CPLX2: variants seen among roughly 807,000 people sequenced by gnomAD.
CPLX2 encodes complexin-2.
CPLX2 carries 5 observed loss-of-function variants against 16.3 expected under a neutral mutation model. That is an observed-to-expected ratio of 0.31 (90% CI 0.16 to 0.64). The LOEUF (loss-of-function observed/expected upper bound fraction) is 0.64, where lower values mean the gene tolerates loss of function less well. CPLX2 is among the 30% of genes least tolerant of loss of function. CPLX2 has a pLI of 0.79. For missense variants in CPLX2, 144 were observed against 181.4 expected (o/e 0.79, Z 1.18); for synonymous variants, 89 against 73.2 (o/e 1.22, Z -1.10).
At chr5:175,876,346 C>T (rs1420672708) in intron 1 of CPLX2, among the ~76,000 whole-genome samples, 2 of 151,962 alleles carry the variant, frequency 1.3e-5, no homozygotes, top group African/African-American at 2.4e-5. Context: ...TGGATGAGTT[C>T]TCCCAGGGAA....
At chr5:175,837,814 G>A (rs1758865685) in intron 2 of CPLX2, 4 of 152,180 alleles carry the variant, frequency 2.6e-5, no homozygotes, top group African/African-American at 7.2e-5. Flanking sequence ...GCTCCCTGTT[G>A]GTTGGGTCAG....
At position 175,880,346 on chromosome 5, in the gene CPLX2, C is replaced by G; in HGVS notation, c.*301C>G. On this transcript the variant is annotated 3_prime_UTR_variant, in exon 4 of 4. Coordinates refer to ENST00000393745, the MANE Select transcript of CPLX2 (RefSeq NM_001008220.2). ...CTAGTGTGGTGACCCCCATACATTCCTCCCTGCTCCCCACTGCCAGGAGGA... is the reference window on the plus strand; with the variant it reads ...CTAGTGTGGTGACCCCCATACATTCGTCCCTGCTCCCCACTGCCAGGAGGA... 1 of 440,718 alleles carries G rather than the reference C, an allele frequency of 2.3e-6. No individual in the cohort carries two copies. The highest frequency in any genetic ancestry group is 4.3e-6 in the Non-Finnish European group (1 of 235,122). The allele number at this position is 440,718 out of a possible 1,614,324, so 27.3% of individuals were successfully genotyped here.
rs1434863465 is a variant in CPLX2 at position 175,849,526 on chromosome 5, G to T, written c.-88-29126G>T. Among the ~76,000 whole-genome samples, 2 of 152,228 alleles carry T rather than the reference G, an allele frequency of 1.3e-5. No individual in the cohort carries two copies. The highest frequency in any genetic ancestry group is 2.9e-5 in the Non-Finnish European group (2 of 68,034). Reference sequence around the variant, plus strand: ...GAGGGGCTCCCAGCATGGCTGGGGAGATAGCACATAAGCAGAGACTCTCCC... The same window carrying T: ...GAGGGGCTCCCAGCATGGCTGGGGATATAGCACATAAGCAGAGACTCTCCC... On this transcript the variant is annotated intron_variant, in intron 2 of 4. Transcript: ENST00000359546. The surrounding 1 kb of genome is among the most constrained non-coding windows in gnomAD (Gnocchi z 4.4).
Position 175,880,225 on chromosome 5 carries a change from A to ACACCT in CPLX2, c.*180_*181insCACCT. 1.4e-6 allele frequency: 1 copy of ACACCT among 728,012 alleles called. No homozygotes were observed. Among genetic ancestry groups the ACACCT allele is most frequent in the Non-Finnish European group, 2.5e-6 (1 of 399,428 alleles). 45.1% of individuals were successfully genotyped at this position (728,012 alleles called of 1,614,324 possible). ...CTCACACCTCCCTTCATCCCAGGGTATCCACCTGCACCCCACTCCCAAGTA... is the reference window on the plus strand; with the variant it reads ...CTCACACCTCCCTTCATCCCAGGGTACACCTTCCACCTGCACCCCACTCCCAAGTA... On this transcript the variant is annotated 3_prime_UTR_variant, in exon 4 of 4. Coordinates refer to ENST00000393745, the MANE Select transcript of CPLX2 (RefSeq NM_001008220.2).
At chr5:175,799,430 A>G (rs1433897959) in intron 1 of CPLX2, among the ~76,000 whole-genome samples, 1 of 151,752 alleles carries the variant, frequency 6.6e-6, no homozygotes, top group East Asian at 1.9e-4. Flanking sequence ...TAGCTCAAAG[A>G]GGCTGGAAGG....
At chr5:175,856,135 G>A (rs1338095906) in intron 2 of CPLX2, among the ~76,000 whole-genome samples, 1 of 152,190 alleles carries the variant, frequency 6.6e-6, no homozygotes, top group Non-Finnish European at 1.5e-5. Context: ...CCTTCTAGTT[G>A]TGCGACCTTG....
chr5:175,843,722 T>C (rs1253378474), intron 2 of CPLX2, among the ~76,000 whole-genome samples: 1 of 152,246 alleles, frequency 6.6e-6, no homozygotes, highest in Admixed American at 6.5e-5. Flanking sequence ...TCGCTCCATG[T>C]GAGCCAGGCT....
Position 175,878,711 on chromosome 5 carries a change from G to T in CPLX2, c.-29G>T. Reference sequence around the variant, plus strand: ...GCGCTGCATGCAAATTCTGCCGTGGGCTAAGGCACGCTAACCAGAGCCGGC... The same window carrying T: ...GCGCTGCATGCAAATTCTGCCGTGGTCTAAGGCACGCTAACCAGAGCCGGC... On this transcript the variant is annotated 5_prime_UTR_variant, in exon 2 of 4. Coordinates refer to ENST00000393745, the MANE Select transcript of CPLX2 (RefSeq NM_001008220.2). The T allele has an allele frequency of 1.2e-6, 2 of 1,611,754 alleles. No individual in the cohort carries two copies. The highest frequency in any genetic ancestry group is 1.7e-6 in the Non-Finnish European group (2 of 1,179,314).
At chr5:175,877,942 C>T (rs1755440531) in intron 1 of CPLX2, among the ~76,000 whole-genome samples, 1 of 152,174 alleles carries the variant, frequency 6.6e-6, no homozygotes, top group African/African-American at 2.4e-5. Context: ...AGTTTAAAAG[C>T]CCTAAGCCCC....
At chr5:175,838,781 A>C (rs895883180) in intron 2 of CPLX2, among the ~76,000 whole-genome samples, 3 of 152,246 alleles carry the variant, frequency 2.0e-5, no homozygotes, top group African/African-American at 7.2e-5. Context: ...CCACTCACGC[A>C]GCCAGTGCAT....
intron 2 of CPLX2, among the ~76,000 whole-genome samples, chr5:175,814,364 G>A (rs1383300840): frequency 6.6e-6 from 1 of 152,240 alleles, no homozygotes; most frequent in African/African-American, 2.4e-5. Context: ...AGTGAGGTCA[G>A]GGCTACCACC....
rs569755502 is a variant in CPLX2, at chr5:175,814,917, G to C, written c.-89+5849G>C. ...GCGTGGGTCCCGTGTCCTCCTCTCG[G>C]CCAGCCCAAAGCATGGCGGCTTGAC... On this transcript the variant is annotated intron_variant, in intron 2 of 4. Coordinates refer to the CPLX2 transcript ENST00000359546. Among the ~76,000 whole-genome samples the C allele has an allele frequency of 1.0e-3, 154 of 152,286 alleles. 1 individual carries two copies. Among genetic ancestry groups the C allele is most frequent in the African/African-American group, 3.5e-3 (146 of 41,562 alleles).
At chr5:175,859,056 C>G (rs1263814656) in intron 2 of CPLX2, among the ~76,000 whole-genome samples, 1 of 152,236 alleles carries the variant, frequency 6.6e-6, no homozygotes, top group Non-Finnish European at 1.5e-5. Flanking sequence ...ACCTAGCATA[C>G]AGGGTCCCTC....
At position 175,849,094 on chromosome 5, in the gene CPLX2, C is replaced by G. The variant is rs1202187789; in HGVS notation, c.-88-29558C>G. Among the ~76,000 whole-genome samples the G allele has an allele frequency of 6.6e-6, 1 of 152,200 alleles. No homozygotes were observed. Among genetic ancestry groups the G allele is most frequent in the African/African-American group, 2.4e-5 (1 of 41,440 alleles). ...TGATCTAACTTACACTTCTCAGGAT[C>G]CCTCCTCTGCTGTGGGAGGCTGTGC... On this transcript the variant is annotated intron_variant, in intron 2 of 4. Coordinates refer to the CPLX2 transcript ENST00000359546. The surrounding 1 kb of genome is among the most constrained non-coding windows in gnomAD (Gnocchi z 4.4).
intron 2 of CPLX2, among the ~76,000 whole-genome samples, chr5:175,831,465 C>T (rs527541953): frequency 2.0e-5 from 3 of 152,320 alleles, no homozygotes; most frequent in South Asian, 2.1e-4. Flanking sequence ...CCTGCCCTGA[C>T]GCAGGTGAGA....
chr5:175,840,339 A>G (rs2114967), intron 2 of CPLX2, among the ~76,000 whole-genome samples: 23,574 of 152,210 alleles, frequency 0.15, 2,159 homozygotes, highest in East Asian at 0.29. Flanking sequence ...CAGATAACAG[A>G]TGTGATAAAA....
intron 2 of CPLX2, among the ~76,000 whole-genome samples, chr5:175,858,837 G>C (rs781441692): frequency 6.6e-6 from 1 of 152,222 alleles, no homozygotes; most frequent in East Asian, 1.9e-4. Context: ...AAGACCAAGG[G>C]AGCCTGTTGA....
At chr5:175,871,557 C>T (rs1375888347), upstream of CPLX2, 2 of 151,760 alleles carry the variant, frequency 1.3e-5, no homozygotes, top group Admixed American at 6.6e-5. Context: ...TTGGAGGGCG[C>T]CTTCGGCAGC....
At chr5:175,835,818 A>C (rs1758822155) in intron 2 of CPLX2, among the ~76,000 whole-genome samples, 1 of 134,464 alleles carries the variant, frequency 7.4e-6, no homozygotes, top group Non-Finnish European at 1.5e-5. Flanking sequence ...GGTTCACTGC[A>C]GCCTCCACAT....
Sources: allele counts gnomAD v4.1 joint callset (sites outside exome capture counted in the v4.1 genomes callset), GRCh38; gene constraint gnomAD v4.1.1; non-coding constraint Gnocchi (gnomAD v3.1); transcripts MANE v1.5; gene names NCBI Gene and HGNC (gene_info 2026-07-23, HGNC 2026-07-21).